Variants in ABL1 observed in about 807,000 individuals in gnomAD.
ABL1 encodes the protein ABL proto-oncogene 1, non-receptor tyrosine kinase, also known as tyrosine-protein kinase ABL1.
ABL1 carries 11 observed loss-of-function variants against 94.7 expected under a neutral mutation model. The ratio of observed to expected loss-of-function variants is 0.12; its 90% CI spans 0.07 to 0.19. The LOEUF is 0.19. ABL1 is among the 10% of genes least tolerant of loss of function. The pLI is 1.00. For missense variants in ABL1, 1,082 were observed against 1,489.4 expected (o/e 0.73, Z 4.50); for synonymous variants, 656 against 622.4 (o/e 1.05, Z -0.80).
At chr9:130,740,590 A>G (rs182732138) in intron 1 of ABL1, among the ~76,000 whole-genome samples, 54 of 152,274 alleles carry the variant, frequency 3.5e-4, no homozygotes, top group African/African-American at 1.2e-3. Flanking sequence ...TATGTTTATC[A>G]CTTCGAAGAA....
chr9:130,811,530 C>T (rs1056019739), intron 1 of ABL1, among the ~76,000 whole-genome samples: 3 of 152,090 alleles, frequency 2.0e-5, no homozygotes, highest in Non-Finnish European at 4.4e-5. Context: ...AAGCTTTTTA[C>T]ACTACATGTG....
chr9:130,736,932 G>C (rs1831751866), intron 1 of ABL1, among the ~76,000 whole-genome samples: 1 of 152,170 alleles, frequency 6.6e-6, no homozygotes, highest in Non-Finnish European at 1.5e-5. Flanking sequence ...CCAGTACCCT[G>C]TCTATGCCCC....
intron 1 of ABL1, among the ~76,000 whole-genome samples, chr9:130,761,805 T>C (rs1484592162): frequency 2.0e-5 from 3 of 152,248 alleles, no homozygotes; most frequent in Non-Finnish European, 4.4e-5. Context: ...AAAGTGATTT[T>C]ATATTCATCA....
Position 130,753,173 on chromosome 9 carries a change from C to T in ABL1, c.136+38718C>T, listed in dbSNP as rs975837907. Among the ~76,000 whole-genome samples the T allele has an allele frequency of 8.6e-4, 130 of 151,746 alleles. 10 individuals are homozygous for T. The highest frequency in any genetic ancestry group is 4.4e-5 in the Non-Finnish European group (3 of 67,948). On this transcript the variant is annotated intron_variant, in intron 1 of 10. Transcript: ENST00000372348. Reference sequence around the variant, plus strand: ...TCGGGAGGCTGAGGCAGGAGAATGGCGTGAACCCGGGAGGCAGAGCTTGCA... The same window carrying T: ...TCGGGAGGCTGAGGCAGGAGAATGGTGTGAACCCGGGAGGCAGAGCTTGCA...
At chr9:130,794,622 C>G (rs1247209531) in intron 1 of ABL1, among the ~76,000 whole-genome samples, 1 of 152,164 alleles carries the variant, frequency 6.6e-6, no homozygotes, top group African/African-American at 2.4e-5. Context: ...GTTTTGATTA[C>G]AGTCTTACTG....
chr9:130,881,363 G>T (rs1284005324), intron 10 of ABL1, among the ~76,000 whole-genome samples: 1 of 152,160 alleles, frequency 6.6e-6, no homozygotes, highest in Non-Finnish European at 1.5e-5. Flanking sequence ...GCTAATAAAG[G>T]TATACCCAAG....
rs535980798 is a variant in ABL1, at chr9:130,855,120, G to A, written c.549+24G>A. The stretch of plus-strand genomic sequence containing the variant: ...AGGTAGGGGACCCTTGGCAGGGGGC[G>A]CTGATGGGCCCAGGGCAGGGGAACC... On this transcript the variant is annotated intron_variant, in intron 3 of 10. Coordinates refer to ENST00000318560, the MANE Select transcript of ABL1 (RefSeq NM_005157.6). The A allele has an allele frequency of 2.6e-5, 41 of 1,603,532 alleles. No homozygotes were observed. In the South Asian group the frequency reaches 3.7e-4, roughly 14 times the overall value.
chr9:130,878,031 T>A (rs991833084), intron 7 of ABL1, among the ~76,000 whole-genome samples: 1 of 152,132 alleles, frequency 6.6e-6, no homozygotes, highest in East Asian at 1.9e-4. Context: ...GCCAGGATGG[T>A]CTCAATCTCC....
At chr9:130,737,496 T>G (rs1831758613) in intron 1 of ABL1, among the ~76,000 whole-genome samples, 1 of 152,112 alleles carries the variant, frequency 6.6e-6, no homozygotes. Context: ...CTCGAACTCC[T>G]GACCTCAGAT....
At chr9:130,732,604 G>A (rs950979569) in intron 1 of ABL1, among the ~76,000 whole-genome samples, 4 of 152,158 alleles carry the variant, frequency 2.6e-5, no homozygotes, top group Admixed American at 6.5e-5. Flanking sequence ...CCAGGTTTCT[G>A]GTGCTGCCAT....
chr9:130,759,475 G>A (rs1028078504), intron 1 of ABL1, among the ~76,000 whole-genome samples: 1 of 152,132 alleles, frequency 6.6e-6, no homozygotes, highest in African/African-American at 2.4e-5. Context: ...AAAATTGCTC[G>A]AATTTGCTTT....
intron 1 of ABL1, among the ~76,000 whole-genome samples, chr9:130,808,317 C>T (rs572960224): frequency 6.7e-6 from 1 of 149,928 alleles, no homozygotes; most frequent in African/African-American, 2.5e-5. Flanking sequence ...AATCTCGGCT[C>T]ACTGCAACCT....
intron 1 of ABL1, among the ~76,000 whole-genome samples, chr9:130,853,357 G>C (rs1830910252): frequency 6.9e-6 from 1 of 145,008 alleles, no homozygotes; most frequent in South Asian, 2.2e-4. Context: ...TGTATTTGTA[G>C]TAAAGACAGG....
At chr9:130,768,881 A>G (rs778332208) in intron 1 of ABL1, among the ~76,000 whole-genome samples, 3 of 152,212 alleles carry the variant, frequency 2.0e-5, no homozygotes, top group Non-Finnish European at 4.4e-5. Context: ...TTAAAGAGCT[A>G]GAGGTAGTTT....
intron 1 of ABL1, among the ~76,000 whole-genome samples, chr9:130,774,438 A>T (rs1285940967): frequency 1.3e-5 from 2 of 152,126 alleles, no homozygotes; most frequent in Non-Finnish European, 2.9e-5. Flanking sequence ...GGGACTTGGA[A>T]TTCAGACTGC....
In ABL1 at chr9:130,854,195, G is replaced by C; in HGVS notation, c.211G>C (p.Asp71His). The change falls in exon 2 of 11, where the codon GAT becomes CAT. Residue 71 changes from aspartate (D) to histidine (H), a missense_variant. Physicochemically the swap from Asp to His is moderately conservative, Grantham distance 81 (BLOSUM62 -1). This residue lies in a region of ABL1 where 47 missense variants were observed against 142.2 expected (regional missense o/e 0.33). Transcript: ENST00000318560. ...NDPNLFVALY[D>H]FVASGDNTLS... ...CCCCAACCTTTTCGTTGCACTGTAT[G>C]ATTTTGTGGCCAGTGGAGATAACAC... 6.2e-7 allele frequency: 1 copy of C among 1,614,152 alleles called. No homozygotes were observed. The highest frequency in any genetic ancestry group is 8.5e-7 in the Non-Finnish European group (1 of 1,180,030).
At chr9:130,765,062 T>C (rs1832164716) in intron 1 of ABL1, among the ~76,000 whole-genome samples, 1 of 152,244 alleles carries the variant, frequency 6.6e-6, no homozygotes, top group Non-Finnish European at 1.5e-5. Flanking sequence ...GTTGATCATT[T>C]TCAGAATTCA....
rs1309067458 is a variant in ABL1, at chr9:130,863,814, T to C, written c.822+779T>C. 1.3e-5 allele frequency among the ~76,000 whole-genome samples: 2 copies of C among 152,246 alleles called. No individual in the cohort carries two copies. Among genetic ancestry groups the C allele is most frequent in the African/African-American group, 4.8e-5 (2 of 41,470 alleles). Reference sequence around the variant, plus strand: ...TGTCCCCTAGTGTTGACTTACATTATTTCCACTTGTTTTAAATGAACTTTG... The same window carrying C: ...TGTCCCCTAGTGTTGACTTACATTACTTCCACTTGTTTTAAATGAACTTTG... On this transcript the variant is annotated intron_variant, in intron 4 of 10. Transcript: ENST00000318560. The surrounding 1 kb of genome is among the most constrained non-coding windows in gnomAD (Gnocchi z 4.3).
intron 1 of ABL1, among the ~76,000 whole-genome samples, chr9:130,848,053 T>C (rs1450296551): frequency 6.6e-6 from 1 of 152,156 alleles, no homozygotes; most frequent in Non-Finnish European, 1.5e-5. Flanking sequence ...ATTCATGACT[T>C]TGGTTTAATT....
Sources: allele counts gnomAD v4.1 joint callset (sites outside exome capture counted in the v4.1 genomes callset), GRCh38; gene constraint gnomAD v4.1.1; regional missense constraint gnomAD v4.1.1; non-coding constraint Gnocchi (gnomAD v3.1); transcripts MANE v1.5; gene names NCBI Gene and HGNC (gene_info 2026-07-23, HGNC 2026-07-21).